Variants in USP6 observed in about 807,000 individuals in gnomAD.
USP6 encodes the protein ubiquitin carboxyl-terminal hydrolase 6.
Under a neutral mutation model 175.7 loss-of-function variants are expected in USP6, and 128 were observed. The ratio of observed to expected loss-of-function variants is 0.73; its 90% CI spans 0.63 to 0.84. The LOEUF (loss-of-function observed/expected upper bound fraction) is 0.84. Ranked by LOEUF, USP6 falls within the 40% of genes least tolerant of loss-of-function variation. USP6 has a pLI of 0.00. For missense variants in USP6, 1,498 were observed against 1,760.3 expected (o/e 0.85, Z 2.67); for synonymous variants, 562 against 630.6 (o/e 0.89, Z 1.63).
intron 33 of USP6, among the ~76,000 whole-genome samples, chr17:5,167,084 G>A (rs2074110803): frequency 1.3e-5 from 2 of 152,346 alleles, no homozygotes; most frequent in East Asian, 1.9e-4. Context: ...ATAACTCTGT[G>A]TTACATGGGA....
Position 5,133,975 on chromosome 17 carries a change from T to A in USP6, c.473T>A (p.Phe158Tyr). 1 of 1,613,982 alleles carries A rather than the reference T, an allele frequency of 6.2e-7. No individual in the cohort carries two copies. The highest frequency in any genetic ancestry group is 8.5e-7 in the Non-Finnish European group (1 of 1,179,952). ...VRTTLRNHVF[F>Y]RDRYGAKQRE... ...ACGACTCTCCGGAACCATGTCTTCT[T>A]TAGGGATCGATATGGAGCCAAGTAA... is the stretch of plus-strand genomic sequence containing the variant. Residue 158 changes from phenylalanine (F) to tyrosine (Y), a missense_variant, in exon 15 of 38, where the codon TTT becomes TAT. Transcript: ENST00000574788.
intron 5 of USP6, among the ~76,000 whole-genome samples, 157 bp from the exon 6 acceptor site, chr17:5,125,664 A>G (rs1567771929): frequency 1.5e-5 from 2 of 134,108 alleles, no homozygotes; most frequent in African/African-American, 2.7e-5. Context: ...ACAAACACGC[A>G]CACACACGCA....
chr17:5,123,331 C>T (rs1333651659), intron 4 of USP6, among the ~76,000 whole-genome samples: 1 of 151,916 alleles, frequency 6.6e-6, no homozygotes, highest in African/African-American at 2.4e-5. Context: ...CGCCTCCCCG[C>T]CCGGGCACGG....
At chr17:5,119,916 G>A (rs1373407248) in intron 2 of USP6, among the ~76,000 whole-genome samples, 5 of 151,974 alleles carry the variant, frequency 3.3e-5, no homozygotes, top group African/African-American at 9.7e-5. Context: ...CAGGTCTGTC[G>A]GACTTGTATC....
chr17:5,138,680 G>C (rs1331195046), intron 21 of USP6, among the ~76,000 whole-genome samples: 1 of 152,210 alleles, frequency 6.6e-6, no homozygotes, highest in East Asian at 1.9e-4. Context: ...AAGGTTGCCA[G>C]GACAACAAGC....
chr17:5,145,584 G>A lies in USP6; in HGVS notation c.2167+5G>A, dbSNP rs377084025. 6.4e-7 allele frequency: 1 copy of A among 1,562,210 alleles called. No homozygotes were observed. Among genetic ancestry groups the A allele is most frequent in the Non-Finnish European group, 8.6e-7 (1 of 1,156,360 alleles). ...ACATGGACTTAGAAATAACAGGTAG[G>A]TCACAAAGTTCTGAAAAATTACTTG... On this transcript the variant is annotated splice_donor_5th_base_variant and intron_variant, in intron 27 of 37. Coordinates refer to ENST00000574788, the MANE Select transcript of USP6 (RefSeq NM_001304284.2).
chr17:5,135,212 G>A (rs760388702), intron 15 of USP6, 22 bp from the exon 16 acceptor site: 3 of 1,611,628 alleles, frequency 1.9e-6, no homozygotes, highest in Non-Finnish European at 1.7e-6. Flanking sequence ...CCAAACCATA[G>A]CCCCCTTTCT....
chr17:5,140,639 T>C (rs576528258), intron 22 of USP6, among the ~76,000 whole-genome samples: 2 of 152,184 alleles, frequency 1.3e-5, no homozygotes, highest in South Asian at 4.1e-4. Flanking sequence ...TGAACTATTA[T>C]CTAAGGTTAT....
chr17:5,133,204 A>G (rs368876873), intron 13 of USP6, among the ~76,000 whole-genome samples: 16 of 152,302 alleles, frequency 1.1e-4, no homozygotes, highest in Non-Finnish European at 2.2e-4. Context: ...GGGACCACCC[A>G]GAGCTCAAGG....
chr17:5,167,561 G>T (rs541418080), intron 33 of USP6, among the ~76,000 whole-genome samples: 1 of 152,196 alleles, frequency 6.6e-6, no homozygotes, highest in East Asian at 1.9e-4. Flanking sequence ...ATCCGGGCTG[G>T]AGTGCAGTGG....
At chr17:5,122,253 C>T (rs747412754) in intron 4 of USP6, among the ~76,000 whole-genome samples, 10 of 151,990 alleles carry the variant, frequency 6.6e-5, no homozygotes, top group Non-Finnish European at 1.3e-4. Context: ...AGTCAGGACT[C>T]AGTAAGTGTG....
intron 37 of USP6, 35 bp downstream of exon 37, chr17:5,171,714 T>C (rs1384704637): frequency 3.7e-6 from 6 of 1,601,860 alleles, no homozygotes; most frequent in Non-Finnish European, 4.3e-6. Flanking sequence ...AAAGTTAGAA[T>C]ATCAACAGAA....
At chr17:5,144,508 G>A (rs1312288873) in intron 25 of USP6, among the ~76,000 whole-genome samples, 182 bp from the exon 26 acceptor site, 1 of 146,296 alleles carries the variant, frequency 6.8e-6, no homozygotes, top group Non-Finnish European at 1.5e-5. Flanking sequence ...TTTTTTTTTT[G>A]GTCATTTGAC....
In USP6 at chr17:5,170,917, T is replaced by C. The variant is rs1347470271; in HGVS notation, c.3954+2T>C. The C allele has an allele frequency of 1.9e-6, 3 of 1,609,742 alleles. No individual in the cohort carries two copies. The highest frequency in any genetic ancestry group is 2.5e-6 in the Non-Finnish European group (3 of 1,177,946). On this transcript the variant is annotated splice_donor_variant, in intron 36 of 37. Coordinates refer to ENST00000574788, the MANE Select transcript of USP6 (RefSeq NM_001304284.2). LOFTEE classifies it high-confidence loss of function. ...ATTTATAATCTATATGCAATTTCAG[T>C]AAGTGGTTTATTATACGGTTTTCAG...
chr17:5,147,077 C>T lies in USP6; in HGVS notation c.2320-6C>T. ...CCCCCTTCTCATCTTGCTGCTGTTT[C>T]TGTAGAACTTTCCTCAGGATAACCA... On this transcript the variant is annotated splice_polypyrimidine_tract_variant and splice_region_variant and intron_variant, in intron 28 of 37. Coordinates refer to ENST00000574788, the MANE Select transcript of USP6 (RefSeq NM_001304284.2). 1 of 1,610,210 alleles carries T rather than the reference C, an allele frequency of 6.2e-7. No homozygotes were observed.
chr17:5,143,473 T>C (rs967416076), intron 25 of USP6, among the ~76,000 whole-genome samples: 6 of 151,608 alleles, frequency 4.0e-5, no homozygotes, highest in Admixed American at 1.3e-4. Context: ...CTGTGCTCTC[T>C]GAAACATGTG....
Position 5,161,440 on chromosome 17 carries a change from C to T in USP6, c.2829-88C>T, listed in dbSNP as rs2074001844. ...CATACTGCTGTGGCAAATGCCCCTT[C>T]CTAGGATTACTTCAAGAGAAGATGA... On this transcript the variant is annotated intron_variant, in intron 31 of 37. Coordinates refer to ENST00000574788, the MANE Select transcript of USP6 (RefSeq NM_001304284.2). 40 of 1,399,374 alleles carry T rather than the reference C, an allele frequency of 2.9e-5. 1 individual carries two copies. The highest frequency in any genetic ancestry group is 4.7e-5 in the East Asian group (2 of 42,950). The allele number at this position is 1,399,374 out of a possible 1,614,324, so 86.7% of individuals were successfully genotyped here.
At chr17:5,122,904 A>C (rs1471430239) in intron 4 of USP6, 1 of 152,392 alleles carries the variant, frequency 6.6e-6, no homozygotes, top group African/African-American at 2.4e-5. Context: ...GGAGGGACCG[A>C]GAGCACCCCG....
chr17:5,133,025 C>T (rs769700381), intron 13 of USP6, 35 bp downstream of exon 13: 11 of 1,607,888 alleles, frequency 6.8e-6, no homozygotes, highest in Non-Finnish European at 9.4e-6. Flanking sequence ...TGGAAGCACT[C>T]TCTGCAGAAA....
Sources: allele counts gnomAD v4.1 joint callset (sites outside exome capture counted in the v4.1 genomes callset), GRCh38; gene constraint gnomAD v4.1.1; transcripts MANE v1.5; gene names NCBI Gene and HGNC (gene_info 2026-07-23, HGNC 2026-07-21).